GNG7: variants seen among roughly 807,000 people sequenced by gnomAD.
GNG7 encodes guanine nucleotide-binding protein G(I)/G(S)/G(O) subunit gamma-7.
A neutral mutation model predicts 4.0 loss-of-function variants in GNG7; 1 was observed. The ratio of observed to expected loss-of-function variants is 0.25; its 90% CI spans 0.09 to 1.18. The LOEUF (loss-of-function observed/expected upper bound fraction) is 1.18, where lower values mean the gene tolerates loss of function less well. GNG7 is among the 50% of genes most tolerant of loss of function. GNG7 has a pLI of 0.50. For synonymous variants in GNG7, 34 were observed against 36.9 expected, an observed-to-expected ratio of 0.92 and a Z score of 0.29; for missense variants, 86 against 91.9, an observed-to-expected ratio of 0.94 and a Z score of 0.26.
At position 2,535,767 on chromosome 19, in the gene GNG7, G is replaced by A. The variant is rs145396845; in HGVS notation, c.-37-15042C>T. Among the ~76,000 whole-genome samples, 392 of 152,284 alleles carry A rather than the reference G, an allele frequency of 2.6e-3. 2 individuals carry two copies. Among genetic ancestry groups the A allele is most frequent in the African/African-American group, 8.8e-3 (365 of 41,572 alleles). On this transcript the variant is annotated intron_variant, in intron 3 of 4. Transcript: ENST00000382159. ...TCCTAGAACACGGTACACTCGGAAA[G>A]TCATATGGGCTGTTTGTTGCAGACT...
chr19:2,670,083 T>A (rs963878274), intron 1 of GNG7, among the ~76,000 whole-genome samples: 10 of 151,664 alleles, frequency 6.6e-5, no homozygotes, highest in Non-Finnish European at 1.2e-4. Flanking sequence ...GAGCCCTACA[T>A]CATTACTTCA....
chr19:2,661,823 C>A (rs1568278067), intron 1 of GNG7, among the ~76,000 whole-genome samples: 1 of 152,224 alleles, frequency 6.6e-6, no homozygotes, highest in East Asian at 1.9e-4. Flanking sequence ...AAAGCAGCTC[C>A]TCCAGCTCCA....
intron 3 of GNG7, chr19:2,538,703 T>G (rs1321957901): frequency 2.2e-6 from 1 of 461,962 alleles, no homozygotes; most frequent in African/African-American, 2.0e-5. Context: ...TCCACTGAGA[T>G]TCCTGAATTC....
chr19:2,511,456 A>G lies in GNG7; in HGVS notation c.*3566T>C, dbSNP rs1351553349. Reference sequence around the variant, plus strand: ...TTAGATGGGCAGCGGTTCCGTGGACAGAGGAGGAGGCGCGGCTGGCCGGCA... The same window carrying G: ...TTAGATGGGCAGCGGTTCCGTGGACGGAGGAGGAGGCGCGGCTGGCCGGCA... On this transcript the variant is annotated 3_prime_UTR_variant, in exon 5 of 5. Transcript: ENST00000382159. This position sits in a 1 kb window ranked among gnomAD's most constrained non-coding sequence, Gnocchi z 6.3. The G allele has an allele frequency of 6.6e-6, 1 of 152,454 alleles. No individual in the cohort carries two copies. The highest frequency in any genetic ancestry group is 1.5e-5 in the Non-Finnish European group (1 of 68,222). 9.4% of individuals were successfully genotyped at this position (152,454 alleles called of 1,614,324 possible). A position where few individuals can be genotyped will look rare whatever the true frequency, so the allele number is the denominator to read the frequency against.
intron 1 of GNG7, among the ~76,000 whole-genome samples, chr19:2,675,216 T>C (rs1033825844): frequency 1.3e-5 from 2 of 152,132 alleles, no homozygotes; most frequent in African/African-American, 4.8e-5. Context: ...ACGCCAGAAA[T>C]TCCTGTCGTG....
At chr19:2,683,052 G>A (rs980682779) in intron 1 of GNG7, among the ~76,000 whole-genome samples, 44 of 151,982 alleles carry the variant, frequency 2.9e-4, no homozygotes, top group African/African-American at 9.7e-4. Flanking sequence ...CCAACGTGGT[G>A]AAACCCCATC....
chr19:2,621,020 T>G (rs532265401), intron 2 of GNG7, among the ~76,000 whole-genome samples: 1 of 152,104 alleles, frequency 6.6e-6, no homozygotes, highest in African/African-American at 2.4e-5. Flanking sequence ...TACAGGTTTC[T>G]GCAAACGGGG....
chr19:2,539,626 T>C (rs1439564908), intron 3 of GNG7, among the ~76,000 whole-genome samples: 1 of 151,924 alleles, frequency 6.6e-6, no homozygotes, highest in Non-Finnish European at 1.5e-5. Context: ...TTTAGACACA[T>C]ACGATATCCA....
intron 2 of GNG7, among the ~76,000 whole-genome samples, chr19:2,588,989 C>T (rs1185201501): frequency 1.3e-5 from 2 of 151,994 alleles, no homozygotes; most frequent in Non-Finnish European, 2.9e-5. Flanking sequence ...AGTGTAATGG[C>T]GCGATCTTGG....
rs201042346 is a variant in GNG7 at position 2,575,738 on chromosome 19, C to CAGACACAGGCACACGCAGGCACACGCAG, written c.-77-20551_-77-20550insCTGCGTGTGCCTGCGTGTGCCTGTGTCT. Among the ~76,000 whole-genome samples, 634 of 79,568 alleles carry CAGACACAGGCACACGCAGGCACACGCAG rather than the reference C, an allele frequency of 8.0e-3. 95 individuals are homozygous for CAGACACAGGCACACGCAGGCACACGCAG. Among genetic ancestry groups the CAGACACAGGCACACGCAGGCACACGCAG allele is most frequent in the African/African-American group, 0.021 (235 of 11,134 alleles). 52.2% of individuals were successfully genotyped at this position (79,568 alleles called of 152,430 possible). On this transcript the variant is annotated intron_variant, in intron 2 of 4. Transcript: ENST00000382159. ...GCACACGCAGACACGCAGGCACACG[C>CAGACACAGGCACACGCAGGCACACGCAG]ACACGCAGGCACACGCAGACACGCA...
At chr19:2,526,302 C>G (rs1568231886) in intron 3 of GNG7, among the ~76,000 whole-genome samples, 1 of 150,276 alleles carries the variant, frequency 6.7e-6, no homozygotes, top group East Asian at 1.9e-4. Context: ...ACGGGGTTTC[C>G]CCATGTTGGC....
intron 3 of GNG7, among the ~76,000 whole-genome samples, chr19:2,540,086 CTCTG>C (rs1435915661): frequency 1.5e-5 from 2 of 131,636 alleles, no homozygotes; most frequent in Non-Finnish European, 3.2e-5. Context: ...CTCTCTCTCT[CTCTG>C]TTTCTTTCTC....
chr19:2,560,216 G>A (rs972818436), intron 2 of GNG7, among the ~76,000 whole-genome samples: 3 of 152,064 alleles, frequency 2.0e-5, no homozygotes, highest in African/African-American at 4.8e-5. Flanking sequence ...TCGCAAATAC[G>A]GACTCCGTGA....
chr19:2,554,943 C>T (rs989642419), intron 3 of GNG7, among the ~76,000 whole-genome samples: 3 of 152,150 alleles, frequency 2.0e-5, no homozygotes, highest in East Asian at 1.9e-4. Flanking sequence ...AGACAGTTGA[C>T]GCGAACCCAC....
intron 1 of GNG7, among the ~76,000 whole-genome samples, chr19:2,693,511 A>G (rs1416037232): frequency 6.6e-6 from 1 of 152,096 alleles, no homozygotes; most frequent in Admixed American, 6.6e-5. Flanking sequence ...TTTCTACTTT[A>G]CCATCTTCCA....
At chr19:2,683,630 G>A (rs1983797505) in intron 1 of GNG7, 1 of 152,408 alleles carries the variant, frequency 6.6e-6, no homozygotes, top group Non-Finnish European at 1.5e-5. Context: ...GAAGCACAAG[G>A]TGACATCAGA....
At chr19:2,625,630 G>A (rs1982001348) in intron 2 of GNG7, among the ~76,000 whole-genome samples, 1 of 152,154 alleles carries the variant, frequency 6.6e-6, no homozygotes, top group Non-Finnish European at 1.5e-5. Flanking sequence ...TGTTTCCATG[G>A]TTGCCAGGGA....
chr19:2,601,161 T>C (rs1981188366), intron 2 of GNG7, among the ~76,000 whole-genome samples: 1 of 152,044 alleles, frequency 6.6e-6, no homozygotes, highest in South Asian at 2.1e-4. Flanking sequence ...AACAAATTAT[T>C]ACTTATGTAA....
At chr19:2,642,346 C>T in intron 2 of GNG7, 1 of 228,762 alleles carries the variant, frequency 4.4e-6, no homozygotes, top group Non-Finnish European at 8.7e-6. Flanking sequence ...GCTAGCGTTT[C>T]CCTGTCGAAA....
Sources: gnomAD v4.1 joint callset for allele counts (sites outside exome capture counted in the v4.1 genomes callset) on GRCh38, gnomAD v4.1.1 for gene constraint, Gnocchi (gnomAD v3.1) non-coding constraint, MANE v1.5 for transcripts, NCBI Gene and HGNC (gene_info 2026-07-23, HGNC 2026-07-21) for gene names.